The following SH3GL2 variants were observed in gnomAD, a reference collection of about 807,000 sequenced individuals.
The protein encoded by SH3GL2 is endophilin-A1.
SH3GL2 carries 24 observed loss-of-function variants against 46.0 expected under a neutral mutation model. That is an observed-to-expected ratio of 0.52 (90% CI 0.38 to 0.73). SH3GL2 has a LOEUF of 0.73. Ranked by LOEUF, SH3GL2 falls within the 30% of genes least tolerant of loss-of-function variation. The pLI is 0.00. For synonymous variants in SH3GL2, 196 were observed against 147.1 expected (o/e 1.33, Z -2.40); for missense variants, 413 against 424.2 (o/e 0.97, Z 0.23).
At chr9:17,623,856 C>T (rs952009832) in intron 1 of SH3GL2, among the ~76,000 whole-genome samples, 23 of 152,014 alleles carry the variant, frequency 1.5e-4, no homozygotes, top group Non-Finnish European at 8.8e-5. Context: ...ATACTATAAC[C>T]GCAGCACTAT....
chr9:17,774,454 A>G (rs1378908865), intron 3 of SH3GL2, among the ~76,000 whole-genome samples: 1 of 151,952 alleles, frequency 6.6e-6, no homozygotes. Flanking sequence ...ATGTTGAGGT[A>G]ATTTCTTCCT....
intron 2 of SH3GL2, among the ~76,000 whole-genome samples, chr9:17,760,121 C>G (rs1243201981): frequency 6.6e-6 from 1 of 152,136 alleles, no homozygotes; most frequent in Non-Finnish European, 1.5e-5. Context: ...CTGGTACACA[C>G]TCAATCTTAA....
chr9:17,671,781 A>G (rs1021616210), intron 1 of SH3GL2, among the ~76,000 whole-genome samples: 1 of 152,236 alleles, frequency 6.6e-6, no homozygotes, highest in Non-Finnish European at 1.5e-5. Context: ...TAATTTCACA[A>G]ACTTAATAAA....
At chr9:17,588,105 C>G (rs1350538525) in intron 1 of SH3GL2, among the ~76,000 whole-genome samples, 1 of 152,110 alleles carries the variant, frequency 6.6e-6, no homozygotes, top group East Asian at 1.9e-4. Context: ...TGCTCAAAGT[C>G]TTTTTCATTT....
chr9:17,707,536 C>G (rs1157625836), intron 1 of SH3GL2, among the ~76,000 whole-genome samples: 1 of 152,050 alleles, frequency 6.6e-6, no homozygotes, highest in East Asian at 1.9e-4. Flanking sequence ...TAACTTTGTG[C>G]TATGCAACTG....
chr9:17,704,235 G>T (rs1214577741), intron 1 of SH3GL2, among the ~76,000 whole-genome samples: 1 of 151,930 alleles, frequency 6.6e-6, no homozygotes, highest in African/African-American at 2.4e-5. Context: ...AGCTAACCAG[G>T]GAGGTGAAAG....
At chr9:17,777,217 T>A (rs946676043) in intron 3 of SH3GL2, among the ~76,000 whole-genome samples, 7 of 152,182 alleles carry the variant, frequency 4.6e-5, no homozygotes, top group Non-Finnish European at 7.4e-5. Flanking sequence ...CTGTATATAT[T>A]TTTAGAGGCT....
At chr9:17,591,719 A>G (rs569896229) in intron 1 of SH3GL2, among the ~76,000 whole-genome samples, 1 of 152,230 alleles carries the variant, frequency 6.6e-6, no homozygotes, top group Non-Finnish European at 1.5e-5. Context: ...AATATGGAGT[A>G]GTAGCCCAAG....
At position 17,579,184 on chromosome 9, in the gene SH3GL2, C is replaced by G; in HGVS notation, c.-59C>G. On this transcript the variant is annotated 5_prime_UTR_variant, in exon 1 of 9. Coordinates refer to ENST00000380607, the MANE Select transcript of SH3GL2 (RefSeq NM_003026.5). ...GGAGCGCGCCGCCCCGCTCGGCCCT[C>G]CAGTCCCCCTCCGCCTCCTCCCTCC... 7.5e-7 allele frequency: 1 copy of G among 1,338,186 alleles called. No individual in the cohort carries two copies. The highest frequency in any genetic ancestry group is 1.0e-6 in the Non-Finnish European group (1 of 981,902). The allele number at this position is 1,338,186 out of a possible 1,614,324, so 82.9% of individuals were successfully genotyped here. A position where few individuals can be genotyped will look rare whatever the true frequency, so the allele number is the denominator to read the frequency against.
chr9:17,702,093 A>T (rs1004753653), intron 1 of SH3GL2, among the ~76,000 whole-genome samples: 1 of 152,138 alleles, frequency 6.6e-6, no homozygotes, highest in Non-Finnish European at 1.5e-5. Context: ...GAAGAAACAG[A>T]TTAATAGTTT....
At chr9:17,680,242 G>A (rs1820732753) in intron 1 of SH3GL2, among the ~76,000 whole-genome samples, 1 of 152,160 alleles carries the variant, frequency 6.6e-6, no homozygotes, top group Non-Finnish European at 1.5e-5. Flanking sequence ...GAATTCGGCT[G>A]TGAATCTGTC....
At chr9:17,735,807 A>G (rs1037262875) in intron 1 of SH3GL2, 67 of 893,336 alleles carry the variant, frequency 7.5e-5, no homozygotes, top group Non-Finnish European at 8.6e-5. Context: ...GGCTTAAGTT[A>G]GCAGGTAGGT....
chr9:17,611,846 C>G (rs1818874285), intron 1 of SH3GL2, among the ~76,000 whole-genome samples: 1 of 152,128 alleles, frequency 6.6e-6, no homozygotes, highest in Non-Finnish European at 1.5e-5. Context: ...TGCCCAACTC[C>G]TCTTGTCTTT....
rs531254958 is a variant in SH3GL2 at position 17,747,783 on chromosome 9, C to G, written c.114+649C>G. Among the ~76,000 whole-genome samples, 3 of 152,254 alleles carry G rather than the reference C, an allele frequency of 2.0e-5. No homozygotes were observed. In the South Asian group the frequency reaches 6.2e-4, roughly 32 times the overall value. On this transcript the variant is annotated intron_variant, in intron 2 of 8. Transcript: ENST00000380607. ...TCCGTCTCCTGGGTTCAAGCGATCT[C>G]CTGCCTCAGCTCCCTGAGTATCTGG...
chr9:17,779,946 C>T (rs534311706), intron 3 of SH3GL2, among the ~76,000 whole-genome samples: 3 of 152,270 alleles, frequency 2.0e-5, no homozygotes, highest in Admixed American at 1.3e-4. Context: ...TCACCTCCCA[C>T]GTTTTCAGTC....
intron 1 of SH3GL2, among the ~76,000 whole-genome samples, chr9:17,729,153 AT>A (rs1822102313): frequency 6.6e-6 from 1 of 152,082 alleles, no homozygotes; most frequent in Non-Finnish European, 1.5e-5. Flanking sequence ...TTTAATGATC[AT>A]TATTGTAACT....
At chr9:17,597,860 T>C (rs894838299) in intron 1 of SH3GL2, among the ~76,000 whole-genome samples, 1 of 152,204 alleles carries the variant, frequency 6.6e-6, no homozygotes, top group Admixed American at 6.5e-5. Flanking sequence ...TTTTCCCCTC[T>C]TTATGCTCTG....
intron 1 of SH3GL2, among the ~76,000 whole-genome samples, chr9:17,619,937 A>G (rs1480556895): frequency 6.6e-6 from 1 of 152,178 alleles, no homozygotes; most frequent in Non-Finnish European, 1.5e-5. Flanking sequence ...GGAGTGTTAA[A>G]TGCTTTTCCC....
chr9:17,597,720 C>T (rs959132976), intron 1 of SH3GL2, among the ~76,000 whole-genome samples: 2 of 152,028 alleles, frequency 1.3e-5, no homozygotes, highest in Non-Finnish European at 2.9e-5. Context: ...ATATGTTTTT[C>T]TTATCAGATT....
Sources: allele counts gnomAD v4.1 joint callset (sites outside exome capture counted in the v4.1 genomes callset), GRCh38; gene constraint gnomAD v4.1.1; transcripts MANE v1.5; gene names NCBI Gene and HGNC (gene_info 2026-07-23, HGNC 2026-07-21).